Variants in DLG5 observed in about 807,000 individuals in gnomAD.
DLG5 encodes disks large homolog 5.
A neutral mutation model predicts 189.8 loss-of-function variants in DLG5; 48 were observed. The observed-to-expected ratio is 0.25, with a 90% CI of 0.20 to 0.32. The LOEUF (loss-of-function observed/expected upper bound fraction) is 0.32. Ranked by LOEUF, DLG5 falls within the 10% of genes least tolerant of loss-of-function variation. DLG5 has a pLI of 1.00. For missense variants in DLG5, 2,160 were observed against 2,544.7 expected (o/e 0.85, Z 3.25); for synonymous variants, 1,016 against 1,054.1 (o/e 0.96, Z 0.70).
rs988510013 is a variant in DLG5 at position 77,790,936 on chromosome 10, T to C, written c.*1504A>G. The stretch of plus-strand genomic sequence containing the variant: ...TCTCAGTCCCACTCTGCCTGTAACT[T>C]AGAAAACAGCCCCTACCCCCAGAGG... On this transcript the variant is annotated 3_prime_UTR_variant, in exon 32 of 32. Transcript: ENST00000372391. The C allele has an allele frequency of 6.6e-6, 1 of 152,236 alleles. No homozygotes were observed. The highest frequency in any genetic ancestry group is 2.4e-5 in the African/African-American group (1 of 41,452). 9.4% of individuals were successfully genotyped at this position (152,236 alleles called of 1,614,324 possible). A position where few individuals can be genotyped will look rare whatever the true frequency, so the allele number is the denominator to read the frequency against.
the DLG5 span, among the ~76,000 whole-genome samples, chr10:77,935,146 G>A: frequency 2.6e-5 from 4 of 151,932 alleles, no homozygotes; most frequent in African/African-American, 9.7e-5. Flanking sequence ...AGGAGCCACC[G>A]TGCCCAGCCT....
chr10:77,843,065 C>T lies in DLG5; in HGVS notation c.1124+382G>A, dbSNP rs188731707. Among the ~76,000 whole-genome samples, 60 of 152,268 alleles carry T rather than the reference C, an allele frequency of 3.9e-4. 1 individual carries two copies. Among genetic ancestry groups the T allele is most frequent in the African/African-American group, 1.4e-3 (57 of 41,546 alleles). ...CCCAGATAATTAACTTTCCTATTTG[C>T]TAGGTGGGTGACTGCCACAGAGGGG... On this transcript the variant is annotated intron_variant, in intron 6 of 31. Coordinates refer to ENST00000372391, the MANE Select transcript of DLG5 (RefSeq NM_004747.4).
At chr10:77,890,186 A>C (rs1845564519) in intron 1 of DLG5, among the ~76,000 whole-genome samples, 1 of 152,240 alleles carries the variant, frequency 6.6e-6, no homozygotes, top group South Asian at 2.1e-4. Context: ...AGCAGGATTT[A>C]CCAATGAGAA....
chr10:77,846,245 C>CA (rs1282053326), intron 5 of DLG5, among the ~76,000 whole-genome samples: 1 of 151,584 alleles, frequency 6.6e-6, no homozygotes, highest in Non-Finnish European at 1.5e-5. Context: ...GACTTCGTCT[C>CA]AAAAAAAAGA....
the DLG5 span, among the ~76,000 whole-genome samples, chr10:77,932,400 A>C: frequency 6.6e-6 from 1 of 152,236 alleles, no homozygotes. Flanking sequence ...TTTAATTAAT[A>C]GGTGAACATA....
intron 3 of DLG5, among the ~76,000 whole-genome samples, chr10:77,854,585 C>T (rs1202510349): frequency 1.3e-5 from 2 of 152,200 alleles, no homozygotes; most frequent in African/African-American, 4.8e-5. Context: ...GTTGCCTGAG[C>T]TCCCTGCATG....
At chr10:77,879,830 A>G (rs1845220383) in intron 1 of DLG5, among the ~76,000 whole-genome samples, 1 of 151,660 alleles carries the variant, frequency 6.6e-6, no homozygotes, top group African/African-American at 2.4e-5. Flanking sequence ...GGAGTTGGGG[A>G]ATCATGAGTT....
Position 77,792,500 on chromosome 10 carries a change from G to C in DLG5, c.5700C>G (p.Ile1900Met). The stretch of plus-strand genomic sequence containing the variant: ...TTTGTTCTTGATTGACCATTGCCAA[G>C]ATCTGAGTGCAAATGCTTGACAGGG... The part of the protein sequence containing the change: ...GGALSSICTQ[I>M]LAMVNQEQNK... Residue 1900 changes from isoleucine (I) to methionine (M), a missense_variant, in exon 32 of 32, where the codon ATC becomes ATG. By Grantham distance (10) the Ile-to-Met change is conservative. Around this residue, in one of 5 missense-constraint regions of DLG5, gnomAD observed 574 missense variants for 644.2 expected, o/e 0.89. Coordinates refer to ENST00000372391, the MANE Select transcript of DLG5 (RefSeq NM_004747.4). The C allele has an allele frequency of 6.2e-7, 1 of 1,614,200 alleles. No individual in the cohort carries two copies. The highest frequency in any genetic ancestry group is 8.5e-7 in the Non-Finnish European group (1 of 1,180,046).
chr10:77,837,719 T>A (rs1179959815), intron 7 of DLG5, among the ~76,000 whole-genome samples: 1 of 152,148 alleles, frequency 6.6e-6, no homozygotes, highest in Non-Finnish European at 1.5e-5. Context: ...GGCTCCCCCA[T>A]CCTGCAGAGC....
chr10:77,897,144 T>C (rs979938157), intron 1 of DLG5, among the ~76,000 whole-genome samples: 6 of 151,874 alleles, frequency 4.0e-5, no homozygotes, highest in African/African-American at 1.5e-4. Context: ...TCACCTGAGG[T>C]CAGGAGTTCA....
Position 77,810,989 on chromosome 10 carries a change from C to A in DLG5, c.4463+105G>T, listed in dbSNP as rs528094133. The A allele has an allele frequency of 3.1e-5, 44 of 1,419,350 alleles. No homozygotes were observed. In the African/African-American group the frequency reaches 5.5e-4, roughly 18 times the overall value. 87.9% of individuals were successfully genotyped at this position (1,419,350 alleles called of 1,614,324 possible). On this transcript the variant is annotated intron_variant, in intron 23 of 31. Coordinates refer to ENST00000372391, the MANE Select transcript of DLG5 (RefSeq NM_004747.4). ...TCCTGAAGACCTGGTGTGCGGCCTG[C>A]AGCACATGAGGCCAGCTGCCCAGTG...
chr10:77,882,257 C>A (rs1236128424), intron 1 of DLG5, among the ~76,000 whole-genome samples: 1 of 152,208 alleles, frequency 6.6e-6, no homozygotes, highest in East Asian at 1.9e-4. Context: ...TCTGCTTTGG[C>A]CACCTCCTAA....
intron 14 of DLG5, among the ~76,000 whole-genome samples, 182 bp downstream of exon 14, chr10:77,824,202 C>T (rs774553884): frequency 9.9e-5 from 15 of 152,224 alleles, no homozygotes; most frequent in Non-Finnish European, 1.8e-4. Context: ...CCCAACATGG[C>T]CTTGACTGCT....
chr10:77,929,585 TTAGAA>T (rs1289074502), upstream of DLG5: 2 of 152,176 alleles, frequency 1.3e-5, no homozygotes, highest in Non-Finnish European at 2.9e-5. Context: ...GTTGTTCTTA[TTAGAA>T]TAGGGAAATT....
At chr10:77,820,527 C>T in intron 15 of DLG5, 1 of 166,408 alleles carries the variant, frequency 6.0e-6, no homozygotes, top group Non-Finnish European at 1.3e-5. Context: ...AAGAAAACCA[C>T]AGAGAATGAA....
At chr10:77,805,903 C>CT in intron 26 of DLG5, 42 bp from the exon 27 acceptor site, 2 of 1,559,312 alleles carry the variant, frequency 1.3e-6, no homozygotes, top group Non-Finnish European at 1.7e-6. Context: ...CATCGAGACC[C>CT]TGCTGCCCTG....
At chr10:77,937,430 C>T in the DLG5 span, among the ~76,000 whole-genome samples, 1 of 152,172 alleles carries the variant, frequency 6.6e-6, no homozygotes, top group Non-Finnish European at 1.5e-5. Flanking sequence ...CTTTGCCTCC[C>T]AGACATGCTA....
intron 1 of DLG5, among the ~76,000 whole-genome samples, chr10:77,921,311 G>T (rs1846527235): frequency 6.6e-6 from 1 of 152,146 alleles, no homozygotes; most frequent in Admixed American, 6.5e-5. Flanking sequence ...AAGGTGGCTG[G>T]TACCCGAAGG....
chr10:77,835,804 G>T lies in DLG5; in HGVS notation c.1556C>A (p.Ala519Asp). 6.2e-7 allele frequency: 1 copy of T among 1,614,032 alleles called. No individual in the cohort carries two copies. The highest frequency in any genetic ancestry group is 8.5e-7 in the Non-Finnish European group (1 of 1,180,004). Residue 519 changes from alanine to aspartate, a missense_variant, in exon 8 of 32, where the codon GCC (alanine) becomes GAC (aspartate). Ala to Asp is a moderately radical substitution (Grantham distance 126, BLOSUM62 -2). Transcript: ENST00000372391. The stretch of plus-strand genomic sequence containing the variant: ...GAAGGCCCAGTCCCGCCGGCACTTG[G>T]CCACATCCGCCTCCTGGAGGGCTTC... ...LKEALQEADV[A>D]KCRRDWAFQE...
Sources: gnomAD v4.1 joint callset for allele counts (sites outside exome capture counted in the v4.1 genomes callset) on GRCh38, gnomAD v4.1.1 for gene constraint, gnomAD v4.1.1 regional missense constraint, MANE v1.5 for transcripts, NCBI Gene and HGNC (gene_info 2026-07-23, HGNC 2026-07-21) for gene names.